Variants in TRPM2 observed in about 807,000 individuals in gnomAD.
TRPM2 encodes estrogen-responsive element-associated gene 1 protein.
TRPM2 carries 161 observed loss-of-function variants against 174.0 expected under a neutral mutation model. The observed-to-expected ratio is 0.93, with a 90% CI of 0.81 to 1.05. The LOEUF (loss-of-function observed/expected upper bound fraction) is 1.05. Ranked by LOEUF, TRPM2 falls within the 50% of genes least tolerant of loss-of-function variation. TRPM2 has a pLI of 0.00. For synonymous variants in TRPM2, 954 were observed against 861.3 expected (o/e 1.11, Z -1.88); for missense variants, 2,057 against 2,038.0 (o/e 1.01, Z -0.18).
intron 19 of TRPM2, among the ~76,000 whole-genome samples, chr21:44,409,660 T>C (rs201278393): frequency 3.0e-4 from 6 of 20,250 alleles, no homozygotes; most frequent in Admixed American, 6.2e-4. Flanking sequence ...AAGTTTTGAC[T>C]GCACTGTCTT....
At position 44,424,585 on chromosome 21, in the gene TRPM2, G is replaced by A. The variant is rs2050681329; in HGVS notation, c.3550-267G>A. On this transcript the variant is annotated intron_variant, in intron 23 of 31. Transcript: ENST00000397928. ...CTCTGGCTTGTCCAGTGCAGTGACAGTCCCACTGTTGTGTCTCTTGGGGAG... is the reference window on the plus strand; with the variant it reads ...CTCTGGCTTGTCCAGTGCAGTGACAATCCCACTGTTGTGTCTCTTGGGGAG... Among the ~76,000 whole-genome samples, 7 of 152,356 alleles carry A rather than the reference G, an allele frequency of 4.6e-5. 1 individual carries two copies. The South Asian group carries it at 1.2e-3, about 27-fold the overall frequency.
At chr21:44,357,602 G>A (rs2048096704) in intron 2 of TRPM2, among the ~76,000 whole-genome samples, 1 of 152,220 alleles carries the variant, frequency 6.6e-6, no homozygotes, top group Non-Finnish European at 1.5e-5. Context: ...GCCCATTCGA[G>A]GCTCAGAGCC....
chr21:44,357,273 G>A (rs1235619500), intron 2 of TRPM2, among the ~76,000 whole-genome samples: 2 of 152,192 alleles, frequency 1.3e-5, no homozygotes, highest in Non-Finnish European at 2.9e-5. Context: ...TCGGCTCTGC[G>A]TGCTTCTCAC....
At chr21:44,379,716 A>G (rs2048821438) in intron 8 of TRPM2, among the ~76,000 whole-genome samples, 1 of 152,148 alleles carries the variant, frequency 6.6e-6, no homozygotes. Context: ...TCCGTTGTGA[A>G]GGGCCGTGGT....
rs544683945 is a variant in TRPM2 at position 44,426,558 on chromosome 21, G to A, written c.3796-102G>A. Reference sequence around the variant, plus strand: ...TCTGCCCTGCATGTTGGGATGTTGGGGTCGGGTTCAGACCCAGCTGAGCAG... The same window carrying A: ...TCTGCCCTGCATGTTGGGATGTTGGAGTCGGGTTCAGACCCAGCTGAGCAG... On this transcript the variant is annotated intron_variant, in intron 25 of 31. Coordinates refer to ENST00000397928, the MANE Select transcript of TRPM2 (RefSeq NM_003307.4). The A allele has an allele frequency of 7.5e-6, 9 of 1,193,248 alleles. No individual in the cohort carries two copies. The South Asian group carries it at 1.1e-4, about 15-fold the overall frequency. 73.9% of individuals were successfully genotyped at this position (1,193,248 alleles called of 1,614,324 possible).
At chr21:44,405,101 T>A in intron 16 of TRPM2, 41 bp from the exon 17 acceptor site, 1 of 1,609,030 alleles carries the variant, frequency 6.2e-7, no homozygotes, top group Non-Finnish European at 8.5e-7. Context: ...ATAGTAAGAG[T>A]GACAACCTGT....
chr21:44,410,801 G>C (rs1378171993), intron 19 of TRPM2, among the ~76,000 whole-genome samples: 1 of 70,222 alleles, frequency 1.4e-5, no homozygotes, highest in African/African-American at 4.3e-5. Flanking sequence ...TAGCCTTGTA[G>C]TAAGTTTTGA....
At chr21:44,377,225 G>C (rs2146197742) in intron 6 of TRPM2, among the ~76,000 whole-genome samples, 1 of 152,348 alleles carries the variant, frequency 6.6e-6, no homozygotes, top group East Asian at 1.9e-4. Context: ...CTCCACTGCT[G>C]TTGGGCTGGA....
At chr21:44,355,292 G>C (rs45579534) in intron 2 of TRPM2, among the ~76,000 whole-genome samples, 2,971 of 152,320 alleles carry the variant, frequency 0.02, 102 homozygotes, top group African/African-American at 0.067. Context: ...TGAGTGGCTG[G>C]ATATGGCCCT....
chr21:44,391,247 G>A lies in TRPM2; in HGVS notation c.1441-25G>A, dbSNP rs779877858. On this transcript the variant is annotated intron_variant, in intron 10 of 31. Transcript: ENST00000397928. This position sits in a 1 kb window ranked among gnomAD's most constrained non-coding sequence, Gnocchi z 5.0. ...CATGGGGTGATGACCAAATGCAACCGTCACTGCACAATGCTTGCTCTCAGC... is the reference window on the plus strand; with the variant it reads ...CATGGGGTGATGACCAAATGCAACCATCACTGCACAATGCTTGCTCTCAGC... The A allele has an allele frequency of 1.1e-5, 17 of 1,594,220 alleles. No individual in the cohort carries two copies. The highest frequency in any genetic ancestry group is 2.2e-5 in the South Asian group (2 of 89,292).
At chr21:44,352,302 G>T (rs2047940141), upstream of TRPM2, among the ~76,000 whole-genome samples, 1 of 152,210 alleles carries the variant, frequency 6.6e-6, no homozygotes, top group Non-Finnish European at 1.5e-5. Context: ...ACGGGTCTCG[G>T]AATGAGTGTG....
chr21:44,377,293 C>T (rs777776937), intron 6 of TRPM2, among the ~76,000 whole-genome samples: 2 of 152,190 alleles, frequency 1.3e-5, no homozygotes, highest in African/African-American at 2.4e-5. Context: ...GCATGCTGCT[C>T]GCATCCACGC....
chr21:44,417,737 T>A (rs1414253577), intron 20 of TRPM2, among the ~76,000 whole-genome samples, 190 bp from the exon 21 acceptor site: 1 of 137,512 alleles, frequency 7.3e-6, no homozygotes, highest in Non-Finnish European at 1.6e-5. Flanking sequence ...AGTGGGCACG[T>A]GGGCGTGGCT....
chr21:44,440,294 C>A (rs367923160), intron 30 of TRPM2, among the ~76,000 whole-genome samples: 59 of 9,242 alleles, frequency 6.4e-3, no homozygotes, highest in African/African-American at 0.048. Flanking sequence ...CGAGGTTGCA[C>A]CACTGCGCTC....
intron 9 of TRPM2, among the ~76,000 whole-genome samples, chr21:44,390,118 C>T (rs529961030): frequency 5.3e-5 from 8 of 152,220 alleles, no homozygotes; most frequent in African/African-American, 7.2e-5. Flanking sequence ...ATGATCCACC[C>T]GCCTTGGCCT....
At chr21:44,413,599 G>A (rs558300287) in intron 19 of TRPM2, among the ~76,000 whole-genome samples, 1 of 152,308 alleles carries the variant, frequency 6.6e-6, no homozygotes, top group African/African-American at 2.4e-5. Context: ...ACCTGGTGCT[G>A]GCCCTGGCTG....
In TRPM2 at chr21:44,442,069, A is replaced by C. The variant is rs1601279917; in HGVS notation, c.*252A>C. 1 of 427,158 alleles carries C rather than the reference A, an allele frequency of 2.3e-6. No individual in the cohort carries two copies. Among genetic ancestry groups the C allele is most frequent in the Non-Finnish European group, 3.9e-6 (1 of 257,426 alleles). 26.5% of individuals were successfully genotyped at this position (427,158 alleles called of 1,614,324 possible). A position where few individuals can be genotyped will look rare whatever the true frequency, so the allele number is the denominator to read the frequency against. On this transcript the variant is annotated 3_prime_UTR_variant, in exon 32 of 32. Transcript: ENST00000397928. ...TACTCAGAGCTGAGGGGCCCCTGGGACCCTTGGCCATCAGGCGAGGGGCTG... is the reference window on the plus strand; with the variant it reads ...TACTCAGAGCTGAGGGGCCCCTGGGCCCCTTGGCCATCAGGCGAGGGGCTG...
In TRPM2 at chr21:44,399,585, C is replaced by A; in HGVS notation, c.2208+144C>A. 1 of 1,139,188 alleles carries A rather than the reference C, an allele frequency of 8.8e-7. No homozygotes were observed. The highest frequency in any genetic ancestry group is 1.2e-6 in the Non-Finnish European group (1 of 852,260). 70.6% of individuals were successfully genotyped at this position (1,139,188 alleles called of 1,614,324 possible). A position where few individuals can be genotyped will look rare whatever the true frequency, so the allele number is the denominator to read the frequency against. The stretch of plus-strand genomic sequence containing the variant: ...TCGGGGACAGCGCCTGACCCCTCGG[C>A]CACCTGCTCCAGGCTCTGGCCTCCC... On this transcript the variant is annotated intron_variant, in intron 14 of 31. Coordinates refer to ENST00000397928, the MANE Select transcript of TRPM2 (RefSeq NM_003307.4). The surrounding 1 kb of genome is among the most constrained non-coding windows in gnomAD (Gnocchi z 4.6).
At chr21:44,357,149 C>T (rs893238808) in intron 2 of TRPM2, among the ~76,000 whole-genome samples, 1 of 152,216 alleles carries the variant, frequency 6.6e-6, no homozygotes, top group East Asian at 1.9e-4. Context: ...AGCCTCATTT[C>T]ACCCAGCGCC....
Sources: allele counts gnomAD v4.1 joint callset (sites outside exome capture counted in the v4.1 genomes callset), GRCh38; gene constraint gnomAD v4.1.1; non-coding constraint Gnocchi (gnomAD v3.1); transcripts MANE v1.5; gene names NCBI Gene and HGNC (gene_info 2026-07-23, HGNC 2026-07-21).